Variants in ALOX5 observed in about 807,000 individuals in gnomAD.
ALOX5 encodes the protein arachidonate 5-lipoxygenase.
ALOX5 carries 64 observed loss-of-function variants against 87.9 expected under a neutral mutation model. The observed-to-expected ratio is 0.73, with a 90% CI of 0.60 to 0.90. The LOEUF (loss-of-function observed/expected upper bound fraction) is 0.90, where lower values mean the gene tolerates loss of function less well. Among genes scored for constraint, ALOX5 ranks in the 40% least tolerant of loss-of-function variants. ALOX5 has a pLI of 0.00. For synonymous variants in ALOX5, 388 were observed against 355.1 expected (o/e 1.09, Z -1.04); for missense variants, 822 against 907.5 (o/e 0.91, Z 1.21).
At chr10:45,438,683 G>T (rs1842131250) in intron 7 of ALOX5, among the ~76,000 whole-genome samples, 1 of 152,238 alleles carries the variant, frequency 6.6e-6, no homozygotes, top group South Asian at 2.1e-4. Flanking sequence ...GACCCTGAGA[G>T]CTGGGACTCT....
rs569225481 is a variant in ALOX5 at position 45,428,291 on chromosome 10, A to G, written c.835-327A>G. Reference sequence around the variant, plus strand: ...CATTTTTTGGCATTTAACTCGTCACATCTATTTCACCTAACCTCTTTCTTC... The same window carrying G: ...CATTTTTTGGCATTTAACTCGTCACGTCTATTTCACCTAACCTCTTTCTTC... On this transcript the variant is annotated intron_variant, in intron 6 of 13. Coordinates refer to ENST00000374391, the MANE Select transcript of ALOX5 (RefSeq NM_000698.5). 2.5e-3 allele frequency: 963 copies of G among 388,976 alleles called. 3 individuals are homozygous for G. The highest frequency in any genetic ancestry group is 4.0e-3 in the Non-Finnish European group (862 of 214,568). 24.1% of individuals were successfully genotyped at this position (388,976 alleles called of 1,614,324 possible).
In ALOX5 at chr10:45,419,272, G is replaced by C. The variant is rs565949554; in HGVS notation, c.555-4769G>C. Among the ~76,000 whole-genome samples, 393 of 152,006 alleles carry C rather than the reference G, an allele frequency of 2.6e-3. 4 individuals carry two copies. Among genetic ancestry groups the C allele is most frequent in the Non-Finnish European group, 1.1e-3 (75 of 67,982 alleles). On this transcript the variant is annotated intron_variant, in intron 4 of 13. Coordinates refer to ENST00000374391, the MANE Select transcript of ALOX5 (RefSeq NM_000698.5). Reference sequence around the variant, plus strand: ...AGGCGGGCGGAGAGCAGACCACGCGGAAGAGGCCGAGAGAGAAAGCGGGGC... The same window carrying C: ...AGGCGGGCGGAGAGCAGACCACGCGCAAGAGGCCGAGAGAGAAAGCGGGGC...
intron 9 of ALOX5, among the ~76,000 whole-genome samples, chr10:45,442,231 C>T (rs1200823474): frequency 6.6e-6 from 1 of 152,224 alleles, no homozygotes; most frequent in Non-Finnish European, 1.5e-5. Context: ...GTTGGCATCA[C>T]ACTCTCCTGC....
intron 4 of ALOX5, among the ~76,000 whole-genome samples, chr10:45,415,344 C>A (rs1264153358): frequency 2.0e-5 from 3 of 152,120 alleles, no homozygotes; most frequent in Non-Finnish European, 4.4e-5. Flanking sequence ...GACAAAAAAC[C>A]AAACACCGCA....
At chr10:45,385,685 T>A (rs569090563) in intron 2 of ALOX5, among the ~76,000 whole-genome samples, 3 of 152,164 alleles carry the variant, frequency 2.0e-5, no homozygotes, top group East Asian at 3.9e-4. Context: ...TAGCCAATGA[T>A]AACAGTTATT....
At chr10:45,422,162 T>C (rs1361264486) in intron 4 of ALOX5, among the ~76,000 whole-genome samples, 1 of 151,958 alleles carries the variant, frequency 6.6e-6, no homozygotes, top group South Asian at 2.1e-4. Flanking sequence ...ATCCTAGGAG[T>C]TCCCCCCTGT....
At position 45,444,080 on chromosome 10, in the gene ALOX5, G is replaced by A. The variant is rs376452643; in HGVS notation, c.1675-36G>A. On this transcript the variant is annotated intron_variant, in intron 12 of 13. Coordinates refer to ENST00000374391, the MANE Select transcript of ALOX5 (RefSeq NM_000698.5). ...GGGGGCAGCTGGGCAGCAGGGCTTC[G>A]GGGGTGCCCACGCTTGCTGGCGGTC... is the stretch of plus-strand genomic sequence containing the variant. 2.1e-5 allele frequency: 32 copies of A among 1,503,480 alleles called. No homozygotes were observed. In the East Asian group the frequency reaches 3.0e-4, roughly 14 times the overall value. 93.1% of individuals were successfully genotyped at this position (1,503,480 alleles called of 1,614,324 possible). A position where few individuals can be genotyped will look rare whatever the true frequency, so the allele number is the denominator to read the frequency against.
chr10:45,439,068 A>C (rs906962980), intron 7 of ALOX5, among the ~76,000 whole-genome samples: 1 of 152,238 alleles, frequency 6.6e-6, no homozygotes, highest in Non-Finnish European at 1.5e-5. Context: ...GGAATGTGAA[A>C]TATCTCATTT....
chr10:45,441,302 T>C, intron 8 of ALOX5, 42 bp from the exon 9 acceptor site: 1 of 1,583,970 alleles, frequency 6.3e-7, no homozygotes, highest in East Asian at 2.2e-5. Context: ...CCAGGTCACC[T>C]GACTGGGCCC....
At chr10:45,435,017 GA>G (rs2132837904) in intron 7 of ALOX5, among the ~76,000 whole-genome samples, 1 of 152,314 alleles carries the variant, frequency 6.6e-6, no homozygotes, top group African/African-American at 2.4e-5. Flanking sequence ...ACAAATTTAA[GA>G]AACACAAATT....
intron 7 of ALOX5, among the ~76,000 whole-genome samples, chr10:45,439,691 G>A (rs960756082): frequency 1.3e-5 from 2 of 152,200 alleles, no homozygotes; most frequent in Non-Finnish European, 2.9e-5. Flanking sequence ...CAGAGCTTGG[G>A]GATTTTATTT....
intron 7 of ALOX5, among the ~76,000 whole-genome samples, chr10:45,430,824 C>G (rs1841881171): frequency 6.6e-6 from 1 of 152,094 alleles, no homozygotes; most frequent in Non-Finnish European, 1.5e-5. Context: ...CTCACCCAGC[C>G]ACTAGACAGC....
Position 45,443,539 on chromosome 10 carries a change from T to C in ALOX5, c.1573+2T>C, listed in dbSNP as rs777881572. ...GCATGCGGGGCCGCAAGTCCTCAGG[T>C]AGGGCCTCCGGGACGTCTCCGGACC... On this transcript the variant is annotated splice_donor_variant, in intron 11 of 13. Transcript: ENST00000374391. LOFTEE classifies it high-confidence loss of function. The C allele has an allele frequency of 2.5e-6, 4 of 1,610,788 alleles. No individual in the cohort carries two copies. Among genetic ancestry groups the C allele is most frequent in the Non-Finnish European group, 2.5e-6 (3 of 1,178,168 alleles).
At chr10:45,445,093 G>T (rs562288792) in intron 13 of ALOX5, among the ~76,000 whole-genome samples, 2 of 152,270 alleles carry the variant, frequency 1.3e-5, no homozygotes, top group Non-Finnish European at 2.9e-5. Flanking sequence ...AGGCTCCCTG[G>T]CCCGCTTTCT....
Position 45,444,278 on chromosome 10 carries a change from GA to G in ALOX5, c.1841del (p.Asn614ThrfsTer18). On this transcript the variant is annotated frameshift_variant, in exon 13 of 14. Transcript: ENST00000374391. LOFTEE classifies it high-confidence loss of function. ...GAVWALSQFQ[E>X]NELFLGMYPE... Reference sequence around the variant, plus strand: ...AGTGTGGGCGCTGAGCCAGTTCCAGGAAAACGAGGTGAAGCTGGGCAGGGCG... The same window carrying G: ...AGTGTGGGCGCTGAGCCAGTTCCAGGAAACGAGGTGAAGCTGGGCAGGGCG... 2 of 1,553,900 alleles carry G rather than the reference GA, an allele frequency of 1.3e-6. No individual in the cohort carries two copies. Among genetic ancestry groups the G allele is most frequent in the Admixed American group, 3.9e-5 (2 of 51,174 alleles).
chr10:45,435,262 G>GTT (rs57303416), intron 7 of ALOX5, among the ~76,000 whole-genome samples: 35 of 146,066 alleles, frequency 2.4e-4, no homozygotes, highest in East Asian at 4.0e-4. Context: ...GGTCAGAACA[G>GTT]TTTTTTTTTT....
At chr10:45,414,678 CA>C (rs2132768767) in intron 4 of ALOX5, among the ~76,000 whole-genome samples, 1 of 152,080 alleles carries the variant, frequency 6.6e-6, no homozygotes, top group Admixed American at 6.5e-5. Context: ...AAAAATTTTG[CA>C]ATCTACTCAG....
chr10:45,387,059 C>A (rs1363924930), intron 2 of ALOX5, among the ~76,000 whole-genome samples: 1 of 152,168 alleles, frequency 6.6e-6, no homozygotes, highest in Admixed American at 6.5e-5. Context: ...TACTGCGTGC[C>A]AGGCGCCGTG....
At position 45,425,165 on chromosome 10, in the gene ALOX5, G is replaced by T; in HGVS notation, c.834+33G>T. 1 of 1,596,412 alleles carries T rather than the reference G, an allele frequency of 6.3e-7. No individual in the cohort carries two copies. The highest frequency in any genetic ancestry group is 8.5e-7 in the Non-Finnish European group (1 of 1,170,042). The stretch of plus-strand genomic sequence containing the variant: ...TTGATGGGCTGGGGAAGTGGCCAAG[G>T]TCACAGTCTGTCAGGTGGAAGCCAG... On this transcript the variant is annotated intron_variant, in intron 6 of 13. Transcript: ENST00000374391. The surrounding 1 kb of genome is among the most constrained non-coding windows in gnomAD (Gnocchi z 4.4).
Sources: allele counts gnomAD v4.1 joint callset (sites outside exome capture counted in the v4.1 genomes callset), GRCh38; gene constraint gnomAD v4.1.1; non-coding constraint Gnocchi (gnomAD v3.1); transcripts MANE v1.5; gene names NCBI Gene and HGNC (gene_info 2026-07-23, HGNC 2026-07-21).